The following PRRC2A variants were observed in gnomAD, a reference collection of about 807,000 sequenced individuals.
PRRC2A encodes proline rich coiled-coil 2A.
A neutral mutation model predicts 224.6 loss-of-function variants in PRRC2A; 59 were observed. That is an observed-to-expected ratio of 0.26 (90% CI 0.21 to 0.33). The LOEUF (loss-of-function observed/expected upper bound fraction) is 0.33. Ranked by LOEUF, PRRC2A falls within the 10% of genes least tolerant of loss-of-function variation. The pLI, the probability that PRRC2A is intolerant of heterozygous loss-of-function variation, is 1.00. For missense variants in PRRC2A, 3,095 were observed against 2,880.7 expected (o/e 1.07, Z -1.70); for synonymous variants, 1,194 against 1,109.5 (o/e 1.08, Z -1.51).
intron 1 of PRRC2A, 87 bp downstream of exon 1, chr6:31,620,945 T>C (rs1018869007): frequency 1.2e-4 from 19 of 153,452 alleles, no homozygotes; most frequent in South Asian, 3.4e-4. Context: ...GCGGCGGTGG[T>C]GGGCCGGGGG....
chr6:31,634,335 A>G lies in PRRC2A; in HGVS notation c.4819A>G (p.Thr1607Ala). 6.2e-7 allele frequency: 1 copy of G among 1,612,612 alleles called. No homozygotes were observed. The highest frequency in any genetic ancestry group is 8.5e-7 in the Non-Finnish European group (1 of 1,179,936). ...ESRDTGTEAL[T>A]PHIWNRLHTA... ...CAGAGATACAGGCACAGAGGCCCTG[A>G]CCCCTCACATCTGGAACCGTTTACA... Residue 1607 changes from threonine to alanine, a missense_variant, in exon 19 of 31, where the codon ACC becomes GCC. Thr to Ala is a moderately conservative substitution (Grantham distance 58, BLOSUM62 0). This residue lies in a region of PRRC2A where 2,001 missense variants were observed against 1,764.9 expected (regional missense o/e 1.13). Transcript: ENST00000376033.
In PRRC2A at chr6:31,631,046, AAG is replaced by A. The variant is rs1269409866; in HGVS notation, c.2466-88_2466-87del. 2.1e-5 allele frequency: 28 copies of A among 1,331,884 alleles called. No homozygotes were observed. Among genetic ancestry groups the A allele is most frequent in the Non-Finnish European group, 2.4e-5 (23 of 974,678 alleles). The allele number at this position is 1,331,884 out of a possible 1,614,324, so 82.5% of individuals were successfully genotyped here. The stretch of plus-strand genomic sequence containing the variant: ...GCCAAAACAAACAGAAAAATAGTAA[AAG>A]AGAGTCTGCATCATAATAAAGTGTT... On this transcript the variant is annotated intron_variant, in intron 15 of 30. Coordinates refer to ENST00000376033, the MANE Select transcript of PRRC2A (RefSeq NM_004638.4). The surrounding 1 kb of genome is among the most constrained non-coding windows in gnomAD (Gnocchi z 4.5).
intron 3 of PRRC2A, 148 bp downstream of exon 3, chr6:31,624,057 AG>A (rs1257016158): frequency 1.7e-6 from 2 of 1,157,980 alleles, no homozygotes; most frequent in African/African-American, 3.1e-5. Context: ...TAAATGACTA[AG>A]GAATGGTACT....
At chr6:31,621,223 G>A (rs538165418) in intron 1 of PRRC2A, among the ~76,000 whole-genome samples, 6 of 147,346 alleles carry the variant, frequency 4.1e-5, no homozygotes, top group African/African-American at 1.5e-4. Flanking sequence ...GGTGGGCCGC[G>A]CCCGACGGTT....
chr6:31,629,704 C>T lies in PRRC2A; in HGVS notation c.2113C>T (p.Pro705Ser). ...APPPPPKALYPGALGRPPPMP... is the reference protein window; with the variant it reads ...APPPPPKALYSGALGRPPPMP... Reference sequence around the variant, plus strand: ...ACCCCCGCCCCCCAAGGCCCTGTACCCAGGTGCTCTGGGCCGGCCCCCACC... The same window carrying T: ...ACCCCCGCCCCCCAAGGCCCTGTACTCAGGTGCTCTGGGCCGGCCCCCACC... The change falls in exon 14 of 31, where the codon CCA (proline) becomes TCA (serine). Residue 705 changes from proline to serine, a missense_variant. By Grantham distance (74) the Pro-to-Ser change is moderately conservative. Transcript: ENST00000376033. The T allele has an allele frequency of 1.2e-6, 2 of 1,602,830 alleles. No individual in the cohort carries two copies. The highest frequency in any genetic ancestry group is 1.7e-6 in the Non-Finnish European group (2 of 1,172,712).
In PRRC2A at chr6:31,631,864, A is replaced by T. The variant is rs772815604; in HGVS notation, c.3191A>T (p.Asp1064Val). The change falls in exon 16 of 31, where the codon GAT becomes GTT. Residue 1064 changes from aspartate to valine, a missense_variant. By Grantham distance (152) the Asp-to-Val change is radical. Transcript: ENST00000376033. The surrounding 1 kb of genome is among the most constrained non-coding windows in gnomAD (Gnocchi z 4.5). Reference protein sequence around the residue: ...FRSYREFRGDDGRGGGTGGPN... With the variant: ...FRSYREFRGDVGRGGGTGGPN... ...AGTTACCGAGAGTTTCGAGGAGATG[A>T]TGGGCGTGGAGGTGGGACAGGGGGA... 1 of 1,609,088 alleles carries T rather than the reference A, an allele frequency of 6.2e-7. No homozygotes were observed.
rs1554129083 is a variant in PRRC2A at position 31,634,462 on chromosome 6, C to T, written c.4850-10C>T. 1 of 1,612,648 alleles carries T rather than the reference C, an allele frequency of 6.2e-7. No individual in the cohort carries two copies. On this transcript the variant is annotated splice_polypyrimidine_tract_variant and intron_variant, in intron 19 of 30. Transcript: ENST00000376033. The stretch of plus-strand genomic sequence containing the variant: ...CTCACTTCTCTTCTGGTTGGTGCTC[C>T]CTTCTCCAGCCACTAGCCGAAAGAG...
rs754148001 is a variant in PRRC2A at position 31,627,101 on chromosome 6, C to T, written c.1193C>T (p.Pro398Leu). Residue 398 changes from proline (P) to leucine (L), a missense_variant, in exon 11 of 31, where the codon CCT (proline) becomes CTT (leucine). Coordinates refer to ENST00000376033, the MANE Select transcript of PRRC2A (RefSeq NM_004638.4). This position sits in a 1 kb window ranked among gnomAD's most constrained non-coding sequence, Gnocchi z 5.6. ...PKTAWAETSRPPETEPGPPAP... is the reference protein window; with the variant it reads ...PKTAWAETSRLPETEPGPPAP... ...ACGGCCTGGGCAGAAACCTCTCGGC[C>T]TCCAGAGACAGAGCCGGGACCTCCT... 3.7e-6 allele frequency: 6 copies of T among 1,614,118 alleles called. No individual in the cohort carries two copies. The highest frequency in any genetic ancestry group is 5.1e-6 in the Non-Finnish European group (6 of 1,180,012).
Position 31,627,007 on chromosome 6 carries a change from G to A in PRRC2A, c.1099G>A (p.Glu367Lys), listed in dbSNP as rs1461963315. 6.2e-7 allele frequency: 1 copy of A among 1,614,178 alleles called. No individual in the cohort carries two copies. The highest frequency in any genetic ancestry group is 1.1e-5 in the South Asian group (1 of 91,088). ...CAGGGATTCCCAATCAGCTTCTGGT[G>A]AGGAACGGCCCCCTGAAGCAGATGG... ...GHRDSQSASG[E>K]ERPPEADGKK... is the part of the protein sequence containing the mutation. The change falls in exon 11 of 31, where the codon GAG (glutamate) becomes AAG (lysine). Residue 367 changes from glutamate (E) to lysine (K), a missense_variant. Physicochemically the swap from Glu to Lys is moderately conservative, Grantham distance 56. Around this residue, in one of 8 missense-constraint regions of PRRC2A, gnomAD observed 2,001 missense variants for 1,764.9 expected, o/e 1.13. Transcript: ENST00000376033. This position sits in a 1 kb window ranked among gnomAD's most constrained non-coding sequence, Gnocchi z 5.6.
rs562825218 is a variant in PRRC2A at position 31,631,516 on chromosome 6, G to C, written c.2843G>C (p.Arg948Pro). ...GAGGAGCCAGGGGCCCCACCCCGCCGGGCTGGGCCTATAAAGAAACCTCCA... is the reference window on the plus strand; with the variant it reads ...GAGGAGCCAGGGGCCCCACCCCGCCCGGCTGGGCCTATAAAGAAACCTCCA... Reference protein sequence around the residue: ...PPEEPGAPPRRAGPIKKPPPP... With the variant: ...PPEEPGAPPRPAGPIKKPPPP... Residue 948 changes from arginine (R) to proline (P), a missense_variant, in exon 16 of 31, where the codon CGG (arginine) becomes CCG (proline). Arg to Pro is a moderately radical substitution (Grantham distance 103). Around this residue, in one of 8 missense-constraint regions of PRRC2A, gnomAD observed 2,001 missense variants for 1,764.9 expected, o/e 1.13. Transcript: ENST00000376033. This position sits in a 1 kb window ranked among gnomAD's most constrained non-coding sequence, Gnocchi z 4.5. 5 of 1,599,256 alleles carry C rather than the reference G, an allele frequency of 3.1e-6. No homozygotes were observed. Among genetic ancestry groups the C allele is most frequent in the African/African-American group, 1.4e-5 (1 of 73,750 alleles).
chr6:31,626,289 A>G (rs1310134760), intron 9 of PRRC2A, 127 bp downstream of exon 9: 2 of 1,166,548 alleles, frequency 1.7e-6, no homozygotes, highest in Non-Finnish European at 2.4e-6. Context: ...CCAATGGCTC[A>G]CATCTGTAAT....
chr6:31,622,229 G>C (rs752226557), intron 1 of PRRC2A, among the ~76,000 whole-genome samples: 3 of 152,200 alleles, frequency 2.0e-5, no homozygotes, highest in Non-Finnish European at 4.4e-5. Context: ...AGGCTGCTGG[G>C]CTGGGAGCCT....
chr6:31,632,535 G>C lies in PRRC2A; in HGVS notation c.3862G>C (p.Glu1288Gln), dbSNP rs199912782. 1.9e-4 allele frequency: 298 copies of C among 1,610,374 alleles called. No individual in the cohort carries two copies. The highest frequency in any genetic ancestry group is 2.2e-4 in the Non-Finnish European group (256 of 1,178,198). ...TLPASAPGPEEALTTVTVAPA... is the reference protein window; with the variant it reads ...TLPASAPGPEQALTTVTVAPA... ...TCCAGCCTCCGCTCCTGGACCTGAG[G>C]AGGCCCTCACAACAGTCACAGTGGC... The change falls in exon 16 of 31, where the codon GAG (glutamate) becomes CAG (glutamine). Residue 1288 changes from glutamate to glutamine, a missense_variant. Transcript: ENST00000376033.
At position 31,636,400 on chromosome 6, in the gene PRRC2A, C is replaced by T. The variant is rs754497409; in HGVS notation, c.5816C>T (p.Pro1939Leu). 6.2e-7 allele frequency: 1 copy of T among 1,612,944 alleles called. No individual in the cohort carries two copies. The highest frequency in any genetic ancestry group is 1.7e-5 in the Admixed American group (1 of 60,014). ...YSPAFCPSPL[P>L]DTSLLQVRQD... is the part of the protein sequence containing the mutation. ...CCGGCTTTCTGCCCCAGTCCTTTGC[C>T]TGACACATCGTTGCTTCAGGTAAGA... Residue 1939 changes from proline (P) to leucine (L), a missense_variant, in exon 26 of 31, where the codon CCT (proline) becomes CTT (leucine). Transcript: ENST00000376033. This position sits in a 1 kb window ranked among gnomAD's most constrained non-coding sequence, Gnocchi z 4.3.
chr6:31,625,775 G>A lies in PRRC2A; in HGVS notation c.760-17G>A, dbSNP rs973030364. 6.4e-7 allele frequency: 1 copy of A among 1,563,844 alleles called. No individual in the cohort carries two copies. The highest frequency in any genetic ancestry group is 8.8e-7 in the Non-Finnish European group (1 of 1,134,480). On this transcript the variant is annotated splice_polypyrimidine_tract_variant and intron_variant, in intron 7 of 30. Coordinates refer to ENST00000376033, the MANE Select transcript of PRRC2A (RefSeq NM_004638.4). The surrounding 1 kb of genome is among the most constrained non-coding windows in gnomAD (Gnocchi z 4.1). ...ATGACTGTCCCTCTGAGCAGCTACT[G>A]TTGGACCCTTTTACAGATGTATCCC...
At chr6:31,630,125 T>C (rs1776376494) in intron 14 of PRRC2A, among the ~76,000 whole-genome samples, 1 of 152,118 alleles carries the variant, frequency 6.6e-6, no homozygotes, top group Admixed American at 6.5e-5. Flanking sequence ...GAGACCACCA[T>C]GGCTAACGTG....
In PRRC2A at chr6:31,632,819, A is replaced by G; in HGVS notation, c.4146A>G (p.Lys1382=). The G allele has an allele frequency of 6.2e-7, 1 of 1,613,096 alleles. No individual in the cohort carries two copies. The highest frequency in any genetic ancestry group is 8.5e-7 in the Non-Finnish European group (1 of 1,180,026). The change falls in exon 16 of 31, where the codon AAA becomes AAG. Residue 1382 remains lysine (K), a synonymous_variant. Transcript: ENST00000376033. ...DLSQRAKDLS[K]RSFSSQRPGM... The stretch of plus-strand genomic sequence containing the variant: ...GCCAGAGAGCCAAGGATTTGAGTAA[A>G]CGGAGCTTCTCAAGTCAGCGGCCAG...
rs755656796 is a variant in PRRC2A at position 31,630,619 on chromosome 6, T to C, written c.2283T>C (p.Ser761=). The change falls in exon 15 of 31, where the codon AGT becomes AGC. Residue 761 remains serine (S), a synonymous_variant. Coordinates refer to ENST00000376033, the MANE Select transcript of PRRC2A (RefSeq NM_004638.4). ...TAGTTCCCCGAGAGCGTTCAGACAGTGGGGGCTCAAGCTCAGAGCCATTTG... is the reference window on the plus strand; with the variant it reads ...TAGTTCCCCGAGAGCGTTCAGACAGCGGGGGCTCAAGCTCAGAGCCATTTG... The part of the protein sequence containing the change: ...SGLVPRERSD[S]GGSSSEPFDR... The C allele has an allele frequency of 5.6e-6, 9 of 1,613,734 alleles. No homozygotes were observed. The highest frequency in any genetic ancestry group is 7.6e-6 in the Non-Finnish European group (9 of 1,179,880).
At chr6:31,624,153 A>G in intron 3 of PRRC2A, 108 bp from the exon 4 acceptor site, 1 of 1,216,412 alleles carries the variant, frequency 8.2e-7, no homozygotes, top group African/African-American at 1.5e-5. Flanking sequence ...TTGTCCTTAT[A>G]TTTGTAAATG....
Sources: gnomAD v4.1 joint callset for allele counts (sites outside exome capture counted in the v4.1 genomes callset) on GRCh38, gnomAD v4.1.1 for gene constraint, gnomAD v4.1.1 regional missense constraint, Gnocchi (gnomAD v3.1) non-coding constraint, MANE v1.5 for transcripts, NCBI Gene and HGNC (gene_info 2026-07-23, HGNC 2026-07-21) for gene names.